Variants in ARFGEF1 observed in about 807,000 individuals in gnomAD.
ARFGEF1 encodes brefeldin A-inhibited guanine nucleotide-exchange protein 1.
In ARFGEF1, 42 loss-of-function variants were observed where a neutral mutation model predicts 231.0. The ratio of observed to expected loss-of-function variants is 0.18; its 90% CI spans 0.14 to 0.24. The LOEUF is 0.24. ARFGEF1 is among the 10% of genes least tolerant of loss of function. The probability of loss-of-function intolerance (pLI) is 1.00; values close to 1 mark genes in which losing one functional copy is unlikely to be tolerated. For synonymous variants in ARFGEF1, 710 were observed against 732.3 expected (o/e 0.97, Z 0.49); for missense variants, 1,345 against 2,192.0 (o/e 0.61, Z 7.72).
downstream of ARFGEF1, chr8:67,193,528 T>C (rs1837011607): frequency 2.5e-6 from 4 of 1,612,900 alleles, no homozygotes; most frequent in Middle Eastern, 1.7e-4. Flanking sequence ...AGTGTAAATG[T>C]TGATGAGCTT....
At chr8:67,250,241 T>G (rs1840237242) in intron 19 of ARFGEF1, among the ~76,000 whole-genome samples, 1 of 152,094 alleles carries the variant, frequency 6.6e-6, no homozygotes, top group African/African-American at 2.4e-5. Flanking sequence ...ATCACTCCGG[T>G]CTCTATAAAC....
At chr8:67,238,603 T>A in intron 21 of ARFGEF1, 110 bp from the exon 22 acceptor site, 1 of 1,413,490 alleles carries the variant, frequency 7.1e-7, no homozygotes, top group South Asian at 1.4e-5. Context: ...TAGATTATTT[T>A]AAAAAGCTAA....
At chr8:67,189,156 T>G (rs903899736) in intron 5 of ARFGEF1, among the ~76,000 whole-genome samples, 2 of 152,342 alleles carry the variant, frequency 1.3e-5, no homozygotes, top group African/African-American at 2.4e-5. Context: ...GAACTCTCAT[T>G]CATTGCTGGT....
At chr8:67,188,465 A>G (rs939079414) in intron 5 of ARFGEF1, among the ~76,000 whole-genome samples, 7 of 152,220 alleles carry the variant, frequency 4.6e-5, no homozygotes, top group Admixed American at 2.0e-4. Flanking sequence ...GTGAAATCAT[A>G]TATCGCCTGA....
chr8:67,343,305 C>CG lies in ARFGEF1; in HGVS notation c.-19dup, dbSNP rs1188232424. On this transcript the variant is annotated 5_prime_UTR_variant, in exon 1 of 39. Transcript: ENST00000262215. ...TCATACATGGACGCAGAGAAGGAGG[C>CG]GGCGGCTCGTCCGACCCGCGGCTCC... The CG allele has an allele frequency of 1.9e-6, 3 of 1,608,830 alleles. No individual in the cohort carries two copies. In the African/African-American group the frequency reaches 4.0e-5, roughly 22 times the overall value.
intron 5 of ARFGEF1, among the ~76,000 whole-genome samples, chr8:67,187,403 A>G (rs2129574398): frequency 6.6e-6 from 1 of 152,354 alleles, no homozygotes; most frequent in South Asian, 2.1e-4. Context: ...GCCCAGAAAT[A>G]GACTCATGCA....
At chr8:67,341,196 G>A (rs770193845) in intron 1 of ARFGEF1, among the ~76,000 whole-genome samples, 15 of 152,022 alleles carry the variant, frequency 9.9e-5, no homozygotes, top group Non-Finnish European at 1.0e-4. Flanking sequence ...CTTTGGAGAA[G>A]GAAAATATAT....
At position 67,291,862 on chromosome 8, in the gene ARFGEF1, C is replaced by T. The variant is rs531843869; in HGVS notation, c.901G>A (p.Ala301Thr). The change falls in exon 6 of 39, where the codon GCA becomes ACA. Residue 301 changes from alanine (A) to threonine (T), a missense_variant. By Grantham distance (58) the Ala-to-Thr change is moderately conservative. Around this residue, in one of 14 missense-constraint regions of ARFGEF1, gnomAD observed 398 missense variants for 463.2 expected, o/e 0.86. Transcript: ENST00000262215. ...AGAAGATTACTTTCAGCTGCAGTTG[C>T]CTGATCAGCTTCAGTCTGTTCATTT... Reference protein sequence around the residue: ...AENEQTEADQATAAETLSKNE... With the variant: ...AENEQTEADQTTAAETLSKNE... The T allele has an allele frequency of 6.2e-7, 1 of 1,613,534 alleles. No individual in the cohort carries two copies. Among genetic ancestry groups the T allele is most frequent in the South Asian group, 1.1e-5 (1 of 91,038 alleles).
At chr8:67,208,950 G>T (rs111939019) in intron 34 of ARFGEF1, among the ~76,000 whole-genome samples, 97 of 152,298 alleles carry the variant, frequency 6.4e-4, no homozygotes, top group African/African-American at 2.1e-3. Context: ...CAAAAAAGGC[G>T]CTGGCAAAGA....
At position 67,327,462 on chromosome 8, in the gene ARFGEF1, C is replaced by A. The variant is rs538857211; in HGVS notation, c.124+15702G>T. Among the ~76,000 whole-genome samples, 3 of 152,070 alleles carry A rather than the reference C, an allele frequency of 2.0e-5. No individual in the cohort carries two copies. In the South Asian group the frequency reaches 6.2e-4, roughly 32 times the overall value. On this transcript the variant is annotated intron_variant, in intron 1 of 38. Coordinates refer to ENST00000262215, the MANE Select transcript of ARFGEF1 (RefSeq NM_006421.5). The stretch of plus-strand genomic sequence containing the variant: ...CCACCCAAGTAGCTGGGATTACAGG[C>A]ACCTGCCACCACAGCTTGGCTAATT...
intron 22 of ARFGEF1, 115 bp from the exon 23 acceptor site, chr8:67,233,060 T>C: frequency 1.2e-6 from 1 of 845,666 alleles, no homozygotes; most frequent in Non-Finnish European, 1.8e-6. Context: ...AACAGAATGC[T>C]TCAGGTGAAC....
At chr8:67,287,877 T>G in intron 7 of ARFGEF1, 78 bp downstream of exon 7, 1 of 998,512 alleles carries the variant, frequency 1.0e-6, no homozygotes, top group Non-Finnish European at 1.4e-6. Flanking sequence ...GCCCTTTCTA[T>G]TCCAGACATT....
chr8:67,256,041 C>T (rs1243029820), intron 17 of ARFGEF1, among the ~76,000 whole-genome samples: 1 of 152,156 alleles, frequency 6.6e-6, no homozygotes, highest in Non-Finnish European at 1.5e-5. Flanking sequence ...TCTTTTAAAG[C>T]ATAGCTTTTT....
chr8:67,290,120 A>G (rs1805944571), intron 6 of ARFGEF1, among the ~76,000 whole-genome samples: 1 of 152,218 alleles, frequency 6.6e-6, no homozygotes, highest in Admixed American at 6.5e-5. Flanking sequence ...GTCAAACAGA[A>G]TTTTCATTTA....
At chr8:67,245,367 T>C (rs551785322) in intron 19 of ARFGEF1, among the ~76,000 whole-genome samples, 3 of 150,410 alleles carry the variant, frequency 2.0e-5, no homozygotes, top group Non-Finnish European at 2.9e-5. Context: ...TACTCTTAAG[T>C]AGAAAGACAG....
In ARFGEF1 at chr8:67,202,962, C is replaced by T. The variant is rs998319516; in HGVS notation, c.5128+121G>A. The T allele has an allele frequency of 1.7e-5, 17 of 1,021,052 alleles. No homozygotes were observed. In the African/African-American group the frequency reaches 2.1e-4, roughly 13 times the overall value. The allele number at this position is 1,021,052 out of a possible 1,614,324, so 63.2% of individuals were successfully genotyped here. On this transcript the variant is annotated intron_variant, in intron 36 of 38. Transcript: ENST00000262215. ...GAGGTTACTTTATTACTGTTAAGGT[C>T]AGAGTACATATAGTGACATGCACAG...
chr8:67,253,392 C>T, intron 18 of ARFGEF1, 59 bp downstream of exon 18: 1 of 1,282,478 alleles, frequency 7.8e-7, no homozygotes, highest in Non-Finnish European at 1.1e-6. Context: ...GTGAAAAACT[C>T]TTAGGAACCC....
intron 14 of ARFGEF1, among the ~76,000 whole-genome samples, chr8:67,261,797 C>G (rs996218505): frequency 6.6e-6 from 1 of 151,716 alleles, no homozygotes; most frequent in African/African-American, 2.4e-5. Context: ...AGCCACCGTG[C>G]CCTTTCCTCA....
intron 33 of ARFGEF1, among the ~76,000 whole-genome samples, chr8:67,212,918 C>G (rs1472669085): frequency 6.6e-6 from 1 of 152,134 alleles, no homozygotes; most frequent in Non-Finnish European, 1.5e-5. Flanking sequence ...TAAACCTACA[C>G]AAAAACTAGG....
Sources: gnomAD v4.1 joint callset for allele counts (sites outside exome capture counted in the v4.1 genomes callset) on GRCh38, gnomAD v4.1.1 for gene constraint, gnomAD v4.1.1 regional missense constraint, MANE v1.5 for transcripts, NCBI Gene and HGNC (gene_info 2026-07-23, HGNC 2026-07-21) for gene names.